The following GPR179 variants were observed in gnomAD, a reference collection of about 807,000 sequenced individuals.
The protein encoded by GPR179 is G protein-coupled receptor 179.
A neutral mutation model predicts 70.8 loss-of-function variants in GPR179; 52 were observed. The ratio of observed to expected loss-of-function variants is 0.73; its 90% CI spans 0.59 to 0.93. The LOEUF (loss-of-function observed/expected upper bound fraction) is 0.93, where lower values mean the gene tolerates loss of function less well. Ranked by LOEUF, GPR179 falls within the 40% of genes least tolerant of loss-of-function variation. GPR179 has a pLI of 0.00. For missense variants in GPR179, 2,734 were observed against 2,966.8 expected, an observed-to-expected ratio of 0.92 and a Z score of 1.82; for synonymous variants, 1,123 against 1,169.0, an observed-to-expected ratio of 0.96 and a Z score of 0.80.
Position 38,331,141 on chromosome 17 carries a change from G to T in GPR179, c.2428C>A (p.Pro810Thr), listed in dbSNP as rs1567724205. 1 of 1,605,534 alleles carries T rather than the reference G, an allele frequency of 6.2e-7. No individual in the cohort carries two copies. The highest frequency in any genetic ancestry group is 1.7e-5 in the Admixed American group (1 of 59,876). ...GCTGACCTGAAGCCCAGGGCAGGGG[G>T]CCCCTCCACCGACTCCCGGCTCTCT... ...RTESRESVEG[P>T]PALGFRSASA... Residue 810 changes from proline (P) to threonine (T), a missense_variant, in exon 11 of 11, where the codon CCC becomes ACC. Physicochemically the swap from Pro to Thr is conservative, Grantham distance 38 (BLOSUM62 -1). Coordinates refer to ENST00000616987, the MANE Select transcript of GPR179 (RefSeq NM_001004334.4).
At position 38,329,389 on chromosome 17, in the gene GPR179, G is replaced by C. The variant is rs371158139; in HGVS notation, c.4180C>G (p.Pro1394Ala). Reference protein sequence around the residue: ...EASEGGEDGKPAQEAVKDLPQ... With the variant: ...EASEGGEDGKAAQEAVKDLPQ... ...AGATCCTTCACTGCCTCTTGGGCTGGTTTCCCATCCTCGCCTCCTTCACTT... is the reference window on the plus strand; with the variant it reads ...AGATCCTTCACTGCCTCTTGGGCTGCTTTCCCATCCTCGCCTCCTTCACTT... Residue 1394 changes from proline to alanine, a missense_variant, in exon 11 of 11, where the codon CCA becomes GCA. By Grantham distance (27) the Pro-to-Ala change is conservative. Coordinates refer to ENST00000616987, the MANE Select transcript of GPR179 (RefSeq NM_001004334.4). The C allele has an allele frequency of 2.4e-5, 39 of 1,613,870 alleles. No individual in the cohort carries two copies. The highest frequency in any genetic ancestry group is 3.2e-5 in the Non-Finnish European group (38 of 1,179,984).
chr17:38,326,198 G>C lies in GPR179; in HGVS notation c.*267C>G, dbSNP rs1198965512. 6 of 434,706 alleles carry C rather than the reference G, an allele frequency of 1.4e-5. No individual in the cohort carries two copies. Among genetic ancestry groups the C allele is most frequent in the Non-Finnish European group, 2.4e-5 (6 of 246,428 alleles). 26.9% of individuals were successfully genotyped at this position (434,706 alleles called of 1,614,324 possible). On this transcript the variant is annotated 3_prime_UTR_variant, in exon 11 of 11. Coordinates refer to ENST00000616987, the MANE Select transcript of GPR179 (RefSeq NM_001004334.4). ...TGTTGTGAGTACTGTAGGTGGATGG[G>C]AGGCGTCCTTAGAAGTAGAGTGTCC... is the stretch of plus-strand genomic sequence containing the variant.
At position 38,327,383 on chromosome 17, in the gene GPR179, C is replaced by CT; in HGVS notation, c.6185dup (p.Pro2063AlafsTer33). 6.2e-7 allele frequency: 1 copy of CT among 1,614,240 alleles called. No individual in the cohort carries two copies. Among genetic ancestry groups the CT allele is most frequent in the South Asian group, 1.1e-5 (1 of 91,092 alleles). On this transcript the variant is annotated frameshift_variant, in exon 11 of 11. Coordinates refer to ENST00000616987, the MANE Select transcript of GPR179 (RefSeq NM_001004334.4). LOFTEE classifies it low-confidence loss of function (END_TRUNC). ...GCTGCCTGAAGTCTGCCATCTCTGG[C>CT]TTTTTCTGAACTGGCACACCTTTTG...
chr17:38,343,771 C>A lies in GPR179; in HGVS notation c.19G>T (p.Val7Phe), dbSNP rs1322534939. Residue 7 changes from valine (V) to phenylalanine (F), a missense_variant, in exon 1 of 11, where the codon GTC becomes TTC. Physicochemically the swap from Val to Phe is conservative, Grantham distance 50. Transcript: ENST00000616987. The surrounding 1 kb of genome is among the most constrained non-coding windows in gnomAD (Gnocchi z 4.2). MGTRGA[V>F]MPPPMWGLLG... is the part of the protein sequence containing the mutation. The stretch of plus-strand genomic sequence containing the variant: ...AGCCCCCACATAGGAGGGGGCATGA[C>A]CGCTCCCCTGGTGCCCATCCTTGGG... 22 of 1,519,868 alleles carry A rather than the reference C, an allele frequency of 1.4e-5. No homozygotes were observed. Among genetic ancestry groups the A allele is most frequent in the Non-Finnish European group, 1.9e-5 (22 of 1,135,300 alleles). 94.1% of individuals were successfully genotyped at this position (1,519,868 alleles called of 1,614,324 possible). A position where few individuals can be genotyped will look rare whatever the true frequency, so the allele number is the denominator to read the frequency against.
In GPR179 at chr17:38,333,958, G is replaced by A. The variant is rs1349762430; in HGVS notation, c.1865C>T (p.Thr622Met). The change falls in exon 9 of 11, where the codon ACG (threonine) becomes ATG (methionine). Residue 622 changes from threonine (T) to methionine (M), a missense_variant. Thr to Met is a moderately conservative substitution (Grantham distance 81, BLOSUM62 -1). Coordinates refer to ENST00000616987, the MANE Select transcript of GPR179 (RefSeq NM_001004334.4). The stretch of plus-strand genomic sequence containing the variant: ...CTTAGGGATGAAGATCAGAGCCAGC[G>A]TGGTGGTGACTGTGCTGTGGGTGTG... ...FFHTHSTVTT[T>M]LALIFIPKFW... The A allele has an allele frequency of 3.1e-6, 5 of 1,613,550 alleles. No individual in the cohort carries two copies. The highest frequency in any genetic ancestry group is 2.7e-5 in the African/African-American group (2 of 74,922).
intron 1 of GPR179, among the ~76,000 whole-genome samples, chr17:38,342,394 C>T (rs1032074117): frequency 1.3e-5 from 2 of 150,348 alleles, no homozygotes; most frequent in Non-Finnish European, 2.9e-5. Context: ...AGTGCAATGG[C>T]GTGATCTCGG....
At position 38,331,407 on chromosome 17, in the gene GPR179, C is replaced by A. The variant is rs201291233; in HGVS notation, c.2162G>T (p.Arg721Met). ...GGCCTCGGGGAATTCCGCCAGGTAC[C>A]TCATGAAGGAGCGGCCCAGTCCCTG... ...SCQGLGRSFMRYLAEFPEALA... is the reference protein window; with the variant it reads ...SCQGLGRSFMMYLAEFPEALA... Residue 721 changes from arginine (R) to methionine (M), a missense_variant, in exon 11 of 11, where the codon AGG (arginine) becomes ATG (methionine). Transcript: ENST00000616987. 1 of 1,614,168 alleles carries A rather than the reference C, an allele frequency of 6.2e-7. No homozygotes were observed. Among genetic ancestry groups the A allele is most frequent in the South Asian group, 1.1e-5 (1 of 91,090 alleles).
Position 38,334,998 on chromosome 17 carries a change from C to G in GPR179, c.1645+35G>C, listed in dbSNP as rs570941551. 9 of 1,590,912 alleles carry G rather than the reference C, an allele frequency of 5.7e-6. No individual in the cohort carries two copies. Among genetic ancestry groups the G allele is most frequent in the Admixed American group, 1.7e-5 (1 of 59,640 alleles). On this transcript the variant is annotated intron_variant, in intron 7 of 10. Transcript: ENST00000616987. This position sits in a 1 kb window ranked among gnomAD's most constrained non-coding sequence, Gnocchi z 4.7. ...AACCCTGGAGGCACAGAGGCAGGGA[C>G]CAGCGTAAGGCTGGGCTCAGCAGAA...
rs1215182381 is a variant in GPR179 at position 38,327,646 on chromosome 17, G to C, written c.5923C>G (p.Gln1975Glu). The change falls in exon 11 of 11, where the codon CAG becomes GAG. Residue 1975 changes from glutamine (Q) to glutamate (E), a missense_variant. Physicochemically the swap from Gln to Glu is conservative, Grantham distance 29 (BLOSUM62 2). Transcript: ENST00000616987. ...PADSVSHLDR[Q>E]RPDQPKASSQ... Reference sequence around the variant, plus strand: ...CTAGCTTTAGGTTGGTCAGGGCGCTGTCTGTCTAGGTGAGAGACGGAATCT... The same window carrying C: ...CTAGCTTTAGGTTGGTCAGGGCGCTCTCTGTCTAGGTGAGAGACGGAATCT... 2.5e-6 allele frequency: 4 copies of C among 1,614,222 alleles called. No homozygotes were observed. Among genetic ancestry groups the C allele is most frequent in the East Asian group, 4.5e-5 (2 of 44,888 alleles).
At chr17:38,342,410 C>T (rs111908300) in intron 1 of GPR179, among the ~76,000 whole-genome samples, 3 of 151,840 alleles carry the variant, frequency 2.0e-5, no homozygotes, top group South Asian at 2.1e-4. Context: ...CTCGGGTCAC[C>T]GCAACGTCTG....
chr17:38,338,159 C>T (rs1378449019), intron 2 of GPR179, among the ~76,000 whole-genome samples: 2 of 152,162 alleles, frequency 1.3e-5, no homozygotes, highest in Non-Finnish European at 2.9e-5. Flanking sequence ...CTGGAAAGGC[C>T]CCCCACGGAG....
intron 2 of GPR179, among the ~76,000 whole-genome samples, chr17:38,338,105 T>A (rs1240192746): frequency 6.6e-6 from 1 of 152,150 alleles, no homozygotes; most frequent in East Asian, 1.9e-4. Flanking sequence ...TACATCCTAC[T>A]TCAAAGGGTC....
Position 38,331,465 on chromosome 17 carries a change from G to C in GPR179, c.2104C>G (p.Pro702Ala). The C allele has an allele frequency of 6.2e-7, 1 of 1,614,094 alleles. No individual in the cohort carries two copies. Among genetic ancestry groups the C allele is most frequent in the Non-Finnish European group, 8.5e-7 (1 of 1,179,944 alleles). Residue 702 changes from proline to alanine, a missense_variant, in exon 11 of 11, where the codon CCC becomes GCC. By Grantham distance (27) the Pro-to-Ala change is conservative (BLOSUM62 -1). Transcript: ENST00000616987. Reference protein sequence around the residue: ...HKTKEMAANNPHLPKKRGSSC... With the variant: ...HKTKEMAANNAHLPKKRGSSC... ...CTGCCTCGCTTCTTGGGCAGGTGGG[G>C]GTTGTTTGCGGCCATTTCCTTGGTT...
Position 38,327,469 on chromosome 17 carries a change from T to G in GPR179, c.6100A>C (p.Arg2034=), listed in dbSNP as rs779407031. The G allele has an allele frequency of 6.2e-7, 1 of 1,614,110 alleles. No individual in the cohort carries two copies. The highest frequency in any genetic ancestry group is 1.3e-5 in the African/African-American group (1 of 74,936). ...TGAGAGTCCCCTTTTCCATCCTGCC[T>G]TGACACCCCTTTGACAGGGATTCTT... The part of the protein sequence containing the change: ...TERIPVKGVS[R]QDGKGDSQEE... Residue 2034 remains arginine, a synonymous_variant, in exon 11 of 11, where the codon AGG becomes CGG. Coordinates refer to ENST00000616987, the MANE Select transcript of GPR179 (RefSeq NM_001004334.4).
chr17:38,324,896 T>TGTCG lies in GPR179; in HGVS notation c.*1568_*1569insCGAC, dbSNP rs1419784280. 6.6e-6 allele frequency among the ~76,000 whole-genome samples: 1 copy of TGTCG among 152,242 alleles called. No individual in the cohort carries two copies. Among genetic ancestry groups the TGTCG allele is most frequent in the African/African-American group, 2.4e-5 (1 of 41,460 alleles). ...AAATGGAGTACTTTTTTACTTTCTC[T>TGTCG]GTGAAGTCCCATAACCGCCCAGCAT... is the stretch of plus-strand genomic sequence containing the variant. On this transcript the variant is annotated 3_prime_UTR_variant, in exon 11 of 11. Transcript: ENST00000616987.
chr17:38,331,154 C>T lies in GPR179; in HGVS notation c.2415G>A (p.Glu805=). The change falls in exon 11 of 11, where the codon GAG becomes GAA. Residue 805 remains glutamate (E), a synonymous_variant. Transcript: ENST00000616987. ...CCAGGGCAGGGGGCCCCTCCACCGACTCCCGGCTCTCTGTTCGAGAGGCCT... is the reference window on the plus strand; with the variant it reads ...CCAGGGCAGGGGGCCCCTCCACCGATTCCCGGCTCTCTGTTCGAGAGGCCT... The part of the protein sequence containing the change: ...AKKASRTESR[E]SVEGPPALGF... 1 of 1,607,262 alleles carries T rather than the reference C, an allele frequency of 6.2e-7. No homozygotes were observed. Among genetic ancestry groups the T allele is most frequent in the South Asian group, 1.1e-5 (1 of 90,754 alleles).
Position 38,329,840 on chromosome 17 carries a change from T to C in GPR179, c.3729A>G (p.Val1243=). 1 of 1,613,972 alleles carries C rather than the reference T, an allele frequency of 6.2e-7. No individual in the cohort carries two copies. Among genetic ancestry groups the C allele is most frequent in the African/African-American group, 1.3e-5 (1 of 75,044 alleles). The change falls in exon 11 of 11, where the codon GTA becomes GTG. Residue 1243 remains valine, a synonymous_variant. Transcript: ENST00000616987. ...LGSADHRVAE[V]CPWEVTESET... ...CTGATTCAGTGACCTCCCAGGGGCA[T>C]ACCTCTGCCACCCTGTGGTCAGCGC...
rs201742179 is a variant in GPR179 at position 38,343,387 on chromosome 17, G to A, written c.403C>T (p.Arg135Cys). ...EDVEWYQALV[R>C]SVAEGDPRVY... ...CTTGGGTCCCCCTCGGCCACGCTGCGGACCAGTGCCTGGTACCATTCCACA... is the reference window on the plus strand; with the variant it reads ...CTTGGGTCCCCCTCGGCCACGCTGCAGACCAGTGCCTGGTACCATTCCACA... The change falls in exon 1 of 11, where the codon CGC becomes TGC. Residue 135 changes from arginine to cysteine, a missense_variant. Transcript: ENST00000616987. This position sits in a 1 kb window ranked among gnomAD's most constrained non-coding sequence, Gnocchi z 4.2. 172 of 1,614,134 alleles carry A rather than the reference G, an allele frequency of 1.1e-4. No homozygotes were observed. The highest frequency in any genetic ancestry group is 1.4e-4 in the Non-Finnish European group (160 of 1,180,026).
At chr17:38,333,897 G>T in intron 9 of GPR179, 36 bp downstream of exon 9, 1 of 1,501,164 alleles carries the variant, frequency 6.7e-7, no homozygotes, top group Non-Finnish European at 9.2e-7. Flanking sequence ...CAGAGGGGCT[G>T]GGGTCCACCT....
Sources: gnomAD v4.1 joint callset for allele counts (sites outside exome capture counted in the v4.1 genomes callset) on GRCh38, gnomAD v4.1.1 for gene constraint, Gnocchi (gnomAD v3.1) non-coding constraint, MANE v1.5 for transcripts, NCBI Gene and HGNC (gene_info 2026-07-23, HGNC 2026-07-21) for gene names.